Variants in P2RY8 observed in about 807,000 individuals in gnomAD.
P2RY8 encodes the protein P2Y receptor family member 8.
In P2RY8, 6 loss-of-function variants were observed where a neutral mutation model predicts 10.0. That is an observed-to-expected ratio of 0.60 (90% CI 0.33 to 1.19). The LOEUF is 1.19. Ranked by LOEUF, P2RY8 falls within the 50% of genes most tolerant of loss-of-function variation. The pLI is 0.04. For missense variants in P2RY8, 456 were observed against 542.0 expected (o/e 0.84, Z 1.58); for synonymous variants, 276 against 252.5 (o/e 1.09, Z -0.88).
intron 1 of P2RY8, among the ~76,000 whole-genome samples, chrX:1,471,161 C>T (rs1170537525): frequency 6.6e-6 from 1 of 151,878 alleles, no homozygotes; most frequent in African/African-American, 2.4e-5. Flanking sequence ...GCATGCATCA[C>T]CGCACCCAGC....
rs188117809 is a variant in P2RY8, at chrX:1,487,482, G to A, written c.-24-20900C>T. Among the ~76,000 whole-genome samples the A allele has an allele frequency of 5.1e-4, 78 of 152,272 alleles. No homozygotes were observed. In the South Asian group the frequency reaches 8.7e-3, roughly 17 times the overall value. ...ACCTGGGCCATGAGTGACAAGGGGC[G>A]TGGTGCTTGGGACCCAGACTGTAGG... On this transcript the variant is annotated intron_variant, in intron 1 of 1. Coordinates refer to ENST00000381297, the MANE Select transcript of P2RY8 (RefSeq NM_178129.5).
chrX:1,499,704 A>G (rs183855676), intron 1 of P2RY8, among the ~76,000 whole-genome samples: 77 of 152,256 alleles, frequency 5.1e-4, no homozygotes, highest in African/African-American at 1.8e-3. Flanking sequence ...AATTTAAAAT[A>G]CTACATTCAA....
intron 1 of P2RY8, among the ~76,000 whole-genome samples, chrX:1,520,704 C>G (rs1410453977): frequency 2.0e-5 from 3 of 152,044 alleles, no homozygotes; most frequent in Admixed American, 2.0e-4. Flanking sequence ...TCCCTGGTCT[C>G]CAATATTCTG....
chrX:1,490,291 C>T (rs1257586391), intron 1 of P2RY8, among the ~76,000 whole-genome samples: 1 of 115,174 alleles, frequency 8.7e-6, no homozygotes, highest in African/African-American at 3.5e-5. Context: ...AGGGATTCTC[C>T]ACAAATGTGG....
chrX:1,495,181 C>T (rs1278932039), intron 1 of P2RY8, among the ~76,000 whole-genome samples: 2 of 151,952 alleles, frequency 1.3e-5, no homozygotes, highest in Non-Finnish European at 2.9e-5. Context: ...AGAGCAGGAC[C>T]CTGTCTTAAA....
At chrX:1,470,236 G>A (rs1395789581) in intron 1 of P2RY8, among the ~76,000 whole-genome samples, 2 of 150,614 alleles carry the variant, frequency 1.3e-5, no homozygotes, top group African/African-American at 4.9e-5. Context: ...AATGGGCCAG[G>A]CGCGGTGACT....
chrX:1,476,238 G>A (rs1303995156), intron 1 of P2RY8, among the ~76,000 whole-genome samples: 1 of 152,074 alleles, frequency 6.6e-6, no homozygotes, highest in African/African-American at 2.4e-5. Context: ...CACTGTTAGT[G>A]CACCCAGACC....
intron 1 of P2RY8, among the ~76,000 whole-genome samples, chrX:1,524,805 T>TCATCCATCCATCCATC (rs756684695): frequency 1.3e-5 from 1 of 76,816 alleles, no homozygotes; most frequent in Admixed American, 1.3e-4. Context: ...ATCCATCCAC[T>TCATCCATCCATCCATC]CATCCATCCA....
chrX:1,470,649 A>G (rs2091772927), intron 1 of P2RY8, among the ~76,000 whole-genome samples: 1 of 152,170 alleles, frequency 6.6e-6, no homozygotes, highest in Non-Finnish European at 1.5e-5. Context: ...TTATAAGAAT[A>G]AAATTCTACA....
intron 1 of P2RY8, among the ~76,000 whole-genome samples, chrX:1,533,287 T>C (rs2092493859): frequency 6.7e-6 from 1 of 149,620 alleles, no homozygotes; most frequent in South Asian, 2.1e-4. Context: ...TCTGAAAAAA[T>C]CTTCTGAGGA....
chrX:1,508,707 TA>T (rs2092258506), intron 1 of P2RY8, among the ~76,000 whole-genome samples: 2 of 21,764 alleles, frequency 9.2e-5, no homozygotes, highest in African/African-American at 2.0e-4. Flanking sequence ...CCATCCATTC[TA>T]TCTATCTATC....
At chrX:1,481,583 AGG>A (rs1178881194) in intron 1 of P2RY8, among the ~76,000 whole-genome samples, 2 of 151,804 alleles carry the variant, frequency 1.3e-5, no homozygotes, top group Non-Finnish European at 2.9e-5. Context: ...CTTTGGGATT[AGG>A]AGAGTCCAGC....
rs1298736798 is a variant in P2RY8 at position 1,464,626 on chromosome X, C to T, written c.*853G>A. 8.6e-6 allele frequency: 2 copies of T among 233,302 alleles called. No homozygotes were observed. Among genetic ancestry groups the T allele is most frequent in the South Asian group, 1.8e-4 (1 of 5,536 alleles). The allele number at this position is 233,302 out of a possible 1,614,324, so 14.5% of individuals were successfully genotyped here. The stretch of plus-strand genomic sequence containing the variant: ...GCCTCCTTTCCGCACCTGGGCCTCC[C>T]GTGGTCCTTGTCCTGAGTCAGGGAA... On this transcript the variant is annotated 3_prime_UTR_variant, in exon 2 of 2. Transcript: ENST00000381297.
In P2RY8 at chrX:1,474,794, A is replaced by T. The variant is rs1486966269; in HGVS notation, c.-24-8212T>A. Among the ~76,000 whole-genome samples the T allele has an allele frequency of 7.5e-5, 11 of 146,890 alleles. No homozygotes were observed. In the East Asian group the frequency reaches 2.3e-3, roughly 31 times the overall value. On this transcript the variant is annotated intron_variant, in intron 1 of 1. Coordinates refer to ENST00000381297, the MANE Select transcript of P2RY8 (RefSeq NM_178129.5). ...TGAGGATGGGTAGATGGATGGGTGG[A>T]TGGATAGATGGGTGGCTGGATAGAT...
At chrX:1,504,125 G>T (rs189929516) in intron 1 of P2RY8, among the ~76,000 whole-genome samples, 246 of 151,954 alleles carry the variant, frequency 1.6e-3, no homozygotes, top group African/African-American at 5.6e-3. Context: ...AGACCAGCCT[G>T]TCCAATATGA....
chrX:1,479,211 T>C (rs1470715835), intron 1 of P2RY8, among the ~76,000 whole-genome samples: 3 of 152,370 alleles, frequency 2.0e-5, no homozygotes, highest in Middle Eastern at 3.4e-3. Flanking sequence ...TGGGAGTTCG[T>C]TTGCTCTGGA....
At chrX:1,533,148 G>T (rs1331006720) in intron 1 of P2RY8, among the ~76,000 whole-genome samples, 3 of 150,856 alleles carry the variant, frequency 2.0e-5, no homozygotes, top group African/African-American at 7.3e-5. Flanking sequence ...TACTGCTTGG[G>T]TGACGGATAC....
At chrX:1,521,509 C>T (rs2092391464) in intron 1 of P2RY8, among the ~76,000 whole-genome samples, 1 of 152,186 alleles carries the variant, frequency 6.6e-6, no homozygotes, top group Non-Finnish European at 1.5e-5. Context: ...GAGTACCCAG[C>T]ATGGAACACG....
intron 1 of P2RY8, among the ~76,000 whole-genome samples, chrX:1,473,838 G>A (rs1315449656): frequency 1.3e-5 from 2 of 151,504 alleles, no homozygotes; most frequent in African/African-American, 4.8e-5. Context: ...GTGGATGGGT[G>A]GATGGATGGA....
Sources: allele counts gnomAD v4.1 joint callset (sites outside exome capture counted in the v4.1 genomes callset), GRCh38; gene constraint gnomAD v4.1.1; transcripts MANE v1.5; gene names NCBI Gene and HGNC (gene_info 2026-07-23, HGNC 2026-07-21).